GPR153: variants seen among roughly 807,000 people sequenced by gnomAD.
The protein encoded by GPR153 is probable G protein-coupled receptor 153.
A neutral mutation model predicts 34.1 loss-of-function variants in GPR153; 27 were observed. The ratio of observed to expected loss-of-function variants is 0.79; its 90% confidence interval spans 0.58 to 1.09. The LOEUF (loss-of-function observed/expected upper bound fraction) is 1.09. Ranked by LOEUF, GPR153 falls within the 50% of genes least tolerant of loss-of-function variation. The pLI, the probability that GPR153 is intolerant of heterozygous loss-of-function variation, is 0.00. For missense variants in GPR153, 848 were observed against 860.2 expected, an observed-to-expected ratio of 0.99 and a Z score of 0.18; for synonymous variants, 408 against 405.4, an observed-to-expected ratio of 1.01 and a Z score of -0.08.
intron 1 of GPR153, among the ~76,000 whole-genome samples, chr1:6,260,313 G>T (rs1638642246): frequency 1.3e-5 from 2 of 151,014 alleles, no homozygotes; most frequent in Non-Finnish European, 3.0e-5. Context: ...CGCGAGGCCT[G>T]GACATCTCCG....
Position 6,256,231 on chromosome 1 carries a change from G to A in GPR153, c.-109-1217C>T, listed in dbSNP as rs1638566357. 2.0e-5 allele frequency among the ~76,000 whole-genome samples: 3 copies of A among 152,068 alleles called. No individual in the cohort carries two copies. The South Asian group carries it at 6.2e-4, about 31-fold the overall frequency. On this transcript the variant is annotated intron_variant, in intron 1 of 5. Transcript: ENST00000377893. ...ACAGTGCTGTTCCCCTCCAGAGGAC[G>A]CAGCATTCAAGGCACCATCTTTGAA...
At chr1:6,252,759 G>A (rs967644108) in intron 3 of GPR153, among the ~76,000 whole-genome samples, 1 of 152,174 alleles carries the variant, frequency 6.6e-6, no homozygotes. Context: ...TCGGGGATGG[G>A]CGTAGAGTCC....
Position 6,254,754 on chromosome 1 carries a change from G to A in GPR153, c.152C>T (p.Ala51Val), listed in dbSNP as rs771134991. Reference protein sequence around the residue: ...PLEFLLCTLAATHMLNVAVPI... With the variant: ...PLEFLLCTLAVTHMLNVAVPI... ...CACGGCCACATTTAGCATGTGGGTG[G>A]CCGCGAGTGTACACAGCAGGAACTC... The change falls in exon 2 of 6, where the codon GCC (alanine) becomes GTC (valine). Residue 51 changes from alanine to valine, a missense_variant. Transcript: ENST00000377893. The A allele has an allele frequency of 5.0e-6, 8 of 1,613,770 alleles. No homozygotes were observed. Among genetic ancestry groups the A allele is most frequent in the Middle Eastern group, 3.3e-4 (2 of 6,060 alleles).
At chr1:6,255,193 G>A (rs1638539189) in intron 1 of GPR153, among the ~76,000 whole-genome samples, 179 bp from the exon 2 acceptor site, 1 of 128,724 alleles carries the variant, frequency 7.8e-6, no homozygotes, top group African/African-American at 3.0e-5. Flanking sequence ...CTATTAAGAG[G>A]TAAGACTATT....
intron 1 of GPR153, among the ~76,000 whole-genome samples, chr1:6,257,460 G>A (rs1638590902): frequency 6.6e-6 from 1 of 152,232 alleles, no homozygotes; most frequent in African/African-American, 2.4e-5. Context: ...CCCCCACACA[G>A]CAGCGGTGTG....
At chr1:6,258,665 C>G (rs978141180) in intron 1 of GPR153, among the ~76,000 whole-genome samples, 1 of 152,202 alleles carries the variant, frequency 6.6e-6, no homozygotes, top group African/African-American at 2.4e-5. Context: ...GTGGTCTTTA[C>G]GCTCTCAAAT....
rs2100990545 is a variant in GPR153, at chr1:6,254,981, C to T, written c.-76G>A. 1 of 1,186,778 alleles carries T rather than the reference C, an allele frequency of 8.4e-7. No individual in the cohort carries two copies. Among genetic ancestry groups the T allele is most frequent in the Middle Eastern group, 2.9e-4 (1 of 3,408 alleles). 73.5% of individuals were successfully genotyped at this position (1,186,778 alleles called of 1,614,324 possible). A position where few individuals can be genotyped will look rare whatever the true frequency, so the allele number is the denominator to read the frequency against. On this transcript the variant is annotated 5_prime_UTR_variant, in exon 2 of 6. Transcript: ENST00000377893. ...TCTCAGGGAGCAGCAGCCCTCACTC[C>T]TGGTGGCTCAAGGATGCTGGGGACC...
chr1:6,256,088 C>T (rs1253083712), intron 1 of GPR153, among the ~76,000 whole-genome samples: 1 of 152,180 alleles, frequency 6.6e-6, no homozygotes. Flanking sequence ...AGCCATAGTG[C>T]CTGGCCATGA....
In GPR153 at chr1:6,253,854, A is replaced by G. The variant is rs1294843791; in HGVS notation, c.650T>C (p.Ile217Thr). 5 of 1,605,694 alleles carry G rather than the reference A, an allele frequency of 3.1e-6. No homozygotes were observed. Among genetic ancestry groups the G allele is most frequent in the Non-Finnish European group, 4.3e-6 (5 of 1,174,212 alleles). ...CTTGCCCTGCGCGTCCTCCACCACG[A>G]TGGTGGGCACGGTGAAGGCGCGGCG... ...ADRRAFTVPT[I>T]VVEDAQGKRR... Residue 217 changes from isoleucine (I) to threonine (T), a missense_variant, in exon 3 of 6, where the codon ATC becomes ACC. Transcript: ENST00000377893.
rs202158700 is a variant in GPR153 at position 6,254,922 on chromosome 1, G to A, written c.-17C>T. On this transcript the variant is annotated 5_prime_UTR_variant, in exon 2 of 6. Transcript: ENST00000377893. ...ATCACTCATGGTGCAGACCGGAGCT[G>A]GCAGGCGGCTGTGGCATCCTCCTTG... The A allele has an allele frequency of 5.3e-4, 806 of 1,512,914 alleles. 13 individuals carry two copies. The East Asian group carries it at 0.015, about 29-fold the overall frequency. 93.7% of individuals were successfully genotyped at this position (1,512,914 alleles called of 1,614,324 possible). A position where few individuals can be genotyped will look rare whatever the true frequency, so the allele number is the denominator to read the frequency against.
rs1318556486 is a variant in GPR153, at chr1:6,249,724, TGCCGG to T, written c.1439_1443del (p.Pro480GlnfsTer224). On this transcript the variant is annotated frameshift_variant, in exon 6 of 6. Coordinates refer to ENST00000377893, the MANE Select transcript of GPR153 (RefSeq NM_207370.4). LOFTEE classifies it low-confidence loss of function (END_TRUNC). This position sits in a 1 kb window ranked among gnomAD's most constrained non-coding sequence, Gnocchi z 4.3. ...CCGGGCCCGGGGCGGCGGCGCGGGC[TGCCGG>T]GGGGCGAGTCGCGGGCTCCCCGCGG... is the stretch of plus-strand genomic sequence containing the variant. 4 of 1,043,886 alleles carry T rather than the reference TGCCGG, an allele frequency of 3.8e-6. No homozygotes were observed. Among genetic ancestry groups the T allele is most frequent in the Non-Finnish European group, 4.6e-6 (4 of 870,276 alleles). 64.7% of individuals were successfully genotyped at this position (1,043,886 alleles called of 1,614,324 possible).
In GPR153 at chr1:6,251,372, C is replaced by T; in HGVS notation, c.945G>A (p.Met315Ile). The part of the protein sequence containing the change: ...ADLKAVREKC[M>I]ALMANDEESD... ...ACTCCTCGTCGTTGGCCATGAGGGC[C>T]ATGCACTTCTCCCGGACAGCTTTGA... Residue 315 changes from methionine to isoleucine, a missense_variant, in exon 4 of 6, where the codon ATG becomes ATA. By Grantham distance (10) the Met-to-Ile change is conservative. Transcript: ENST00000377893. This position sits in a 1 kb window ranked among gnomAD's most constrained non-coding sequence, Gnocchi z 4.9. 1 of 1,612,434 alleles carries T rather than the reference C, an allele frequency of 6.2e-7. No homozygotes were observed. Among genetic ancestry groups the T allele is most frequent in the Non-Finnish European group, 8.5e-7 (1 of 1,179,204 alleles).
intron 1 of GPR153, among the ~76,000 whole-genome samples, chr1:6,258,895 A>ACCAGC (rs1482589079): frequency 6.6e-6 from 1 of 152,194 alleles, no homozygotes; most frequent in Non-Finnish European, 1.5e-5. Flanking sequence ...ACAGGCTGCA[A>ACCAGC]CCAGCCCAGC....
intron 1 of GPR153, among the ~76,000 whole-genome samples, chr1:6,255,418 C>T (rs1270871759): frequency 6.6e-6 from 1 of 151,498 alleles, no homozygotes; most frequent in East Asian, 2.0e-4. Context: ...AGGCTGGTCT[C>T]GATCTCCTGA....
rs1001604635 is a variant in GPR153, at chr1:6,251,746, T to C, written c.787-216A>G. On this transcript the variant is annotated intron_variant, in intron 3 of 5. Transcript: ENST00000377893. This position sits in a 1 kb window ranked among gnomAD's most constrained non-coding sequence, Gnocchi z 4.9. ...ACTGGGCAGCACTGGGTGGCCTTGC[T>C]CTGTCTTCCTCCTGGCTGCCCATGG... Among the ~76,000 whole-genome samples the C allele has an allele frequency of 6.6e-6, 1 of 152,164 alleles. No homozygotes were observed. Among genetic ancestry groups the C allele is most frequent in the Admixed American group, 6.5e-5 (1 of 15,276 alleles).
chr1:6,252,721 G>T (rs1638475083), intron 3 of GPR153, among the ~76,000 whole-genome samples: 4 of 152,174 alleles, frequency 2.6e-5, no homozygotes, highest in Admixed American at 2.6e-4. Context: ...CTTTGCCCCA[G>T]TCCTCTCCCT....
At chr1:6,256,492 C>T (rs936416704) in intron 1 of GPR153, among the ~76,000 whole-genome samples, 5 of 151,900 alleles carry the variant, frequency 3.3e-5, no homozygotes, top group African/African-American at 1.2e-4. Flanking sequence ...GCCTCAGCCC[C>T]GAGTGGCTGG....
chr1:6,250,749 G>A lies in GPR153; in HGVS notation c.980-125C>T. 5 of 600,410 alleles carry A rather than the reference G, an allele frequency of 8.3e-6. 1 individual carries two copies. Among genetic ancestry groups the A allele is most frequent in the Non-Finnish European group, 1.2e-5 (4 of 339,032 alleles). The allele number at this position is 600,410 out of a possible 1,614,324, so 37.2% of individuals were successfully genotyped here. ...CAGACATATACAAGGTAGGGGGCTG[G>A]TTAGCTGAAAAGGGAATGGGAGGGG... On this transcript the variant is annotated intron_variant, in intron 4 of 5. Coordinates refer to ENST00000377893, the MANE Select transcript of GPR153 (RefSeq NM_207370.4).
In GPR153 at chr1:6,249,070, C is replaced by T. The variant is rs754449548; in HGVS notation, c.*268G>A. 1.5e-4 allele frequency: 49 copies of T among 335,140 alleles called. No homozygotes were observed. Among genetic ancestry groups the T allele is most frequent in the Non-Finnish European group, 5.4e-5 (10 of 185,694 alleles). The allele number at this position is 335,140 out of a possible 1,614,324, so 20.8% of individuals were successfully genotyped here. On this transcript the variant is annotated 3_prime_UTR_variant, in exon 6 of 6. Transcript: ENST00000377893. The surrounding 1 kb of genome is among the most constrained non-coding windows in gnomAD (Gnocchi z 4.3). ...GTGCACATGTCACTCACTACCCAAG[C>T]CCAAGCTTGGGATGTCACTCAGCTC...
Sources: gnomAD v4.1 joint callset for allele counts (sites outside exome capture counted in the v4.1 genomes callset) on GRCh38, gnomAD v4.1.1 for gene constraint, Gnocchi (gnomAD v3.1) non-coding constraint, MANE v1.5 for transcripts, NCBI Gene and HGNC (gene_info 2026-07-23, HGNC 2026-07-21) for gene names.